Variants in ADARB1 observed in about 807,000 individuals in gnomAD.
ADARB1 encodes the protein double-stranded RNA-specific editase 1.
In ADARB1, 10 loss-of-function variants were observed where a neutral mutation model predicts 52.4. The observed-to-expected ratio is 0.19, with a 90% confidence interval of 0.12 to 0.32. The LOEUF (loss-of-function observed/expected upper bound fraction) is 0.32. ADARB1 is among the 10% of genes least tolerant of loss of function. ADARB1 has a pLI of 1.00. For missense variants in ADARB1, 643 were observed against 922.3 expected, an observed-to-expected ratio of 0.70 and a Z score of 3.92; for synonymous variants, 349 against 371.1, an observed-to-expected ratio of 0.94 and a Z score of 0.68.
rs1194669081 is a variant in ADARB1, at chr21:45,142,860, G to A, written c.-48+14287G>A. ...CCCTTGGCTAATAGAAGAGGGAGCA[G>A]GGCTTTGACCAGGGGGACCAGCTAG... On this transcript the variant is annotated intron_variant, in intron 2 of 10. Coordinates refer to ENST00000348831, the MANE Select transcript of ADARB1 (RefSeq NM_001112.4). The surrounding 1 kb of genome is among the most constrained non-coding windows in gnomAD (Gnocchi z 4.0). 6.6e-6 allele frequency among the ~76,000 whole-genome samples: 1 copy of A among 152,176 alleles called. No individual in the cohort carries two copies. Among genetic ancestry groups the A allele is most frequent in the East Asian group, 1.9e-4 (1 of 5,194 alleles).
chr21:45,217,046 G>A (rs1250390622), intron 9 of ADARB1, among the ~76,000 whole-genome samples: 3 of 151,940 alleles, frequency 2.0e-5, no homozygotes, highest in Non-Finnish European at 4.4e-5. Context: ...TGTTAGCACA[G>A]TGTATCTTCT....
chr21:45,153,093 T>G (rs371109442), intron 2 of ADARB1, among the ~76,000 whole-genome samples: 9 of 152,374 alleles, frequency 5.9e-5, no homozygotes, highest in African/African-American at 2.2e-4. Context: ...ACATTAAAAC[T>G]GTTCTTCATG....
intron 1 of ADARB1, among the ~76,000 whole-genome samples, chr21:45,112,746 G>A (rs2087600402): frequency 1.3e-5 from 2 of 152,034 alleles, no homozygotes; most frequent in African/African-American, 4.8e-5. Flanking sequence ...GCTTGAACAG[G>A]GACACTTTTG....
chr21:45,184,426 C>A (rs1426708535), intron 7 of ADARB1: 10 of 197,516 alleles, frequency 5.1e-5, no homozygotes, highest in Non-Finnish European at 1.1e-4. Context: ...TGTGTTATGT[C>A]CTTCCTACTC....
intron 1 of ADARB1, among the ~76,000 whole-genome samples, chr21:45,077,662 G>C (rs1323289226): frequency 6.7e-6 from 1 of 149,380 alleles, no homozygotes; most frequent in Non-Finnish European, 1.5e-5. Context: ...GCGAGACGCC[G>C]TCTAAAAAAA....
At chr21:45,149,481 A>G (rs1035623416) in intron 2 of ADARB1, among the ~76,000 whole-genome samples, 5 of 152,266 alleles carry the variant, frequency 3.3e-5, no homozygotes, top group African/African-American at 1.2e-4. Context: ...AAGCCAGTGC[A>G]CTATTGATAC....
intron 2 of ADARB1, among the ~76,000 whole-genome samples, chr21:45,143,362 C>T (rs958545468): frequency 6.6e-6 from 1 of 152,234 alleles, no homozygotes; most frequent in Non-Finnish European, 1.5e-5. Flanking sequence ...CCATAATCTT[C>T]CCATCTCAGC....
chr21:45,157,537 C>T lies in ADARB1; in HGVS notation c.-47-14073C>T, dbSNP rs1038876383. Among the ~76,000 whole-genome samples, 5 of 152,076 alleles carry T rather than the reference C, an allele frequency of 3.3e-5. No homozygotes were observed. Among genetic ancestry groups the T allele is most frequent in the African/African-American group, 9.7e-5 (4 of 41,410 alleles). On this transcript the variant is annotated intron_variant, in intron 2 of 10. Transcript: ENST00000348831. The surrounding 1 kb of genome is among the most constrained non-coding windows in gnomAD (Gnocchi z 4.1). ...TGTGAAGGTTTGTGCTCTCGTGTGC[C>T]GGCTCTGACCTGTGATTTTGTTGCT...
intron 2 of ADARB1, among the ~76,000 whole-genome samples, chr21:45,163,317 C>T (rs1287468165): frequency 6.6e-6 from 1 of 152,242 alleles, no homozygotes; most frequent in Admixed American, 6.5e-5. Context: ...AGGTAACATT[C>T]CCTGGCTGTG....
chr21:45,223,113 T>G lies in ADARB1; in HGVS notation c.*916T>G, dbSNP rs914914935. The G allele has an allele frequency of 7.1e-6, 7 of 985,332 alleles. No homozygotes were observed. The highest frequency in any genetic ancestry group is 5.2e-4 in the Middle Eastern group (1 of 1,936). The allele number at this position is 985,332 out of a possible 1,614,324, so 61.0% of individuals were successfully genotyped here. On this transcript the variant is annotated 3_prime_UTR_variant, in exon 11 of 11. Transcript: ENST00000348831. ...CTACTGCACAATACATGGCCTAAGT[T>G]CCCTCTGTTCCTTCCTCTGAATCGA...
chr21:45,160,757 G>T (rs796409652), intron 2 of ADARB1, among the ~76,000 whole-genome samples: 6 of 152,182 alleles, frequency 3.9e-5, no homozygotes, highest in African/African-American at 1.4e-4. Flanking sequence ...TACAGAGCGT[G>T]TACTGAATTT....
chr21:45,076,768 C>G (rs1009769254), intron 1 of ADARB1, among the ~76,000 whole-genome samples: 6 of 152,166 alleles, frequency 3.9e-5, no homozygotes, highest in Non-Finnish European at 8.8e-5. Flanking sequence ...TTTTTAACTT[C>G]TATTTGTCCA....
intron 1 of ADARB1, among the ~76,000 whole-genome samples, chr21:45,126,920 G>C (rs1197102439): frequency 3.3e-5 from 5 of 152,206 alleles, no homozygotes; most frequent in African/African-American, 1.2e-4. Context: ...AGAGTTGGTG[G>C]GACATGATGT....
intron 8 of ADARB1, among the ~76,000 whole-genome samples, chr21:45,199,357 C>A (rs1353263661): frequency 6.6e-6 from 1 of 152,218 alleles, no homozygotes; most frequent in Non-Finnish European, 1.5e-5. Flanking sequence ...CAGGGCTCCA[C>A]TCGCTATGGG....
intron 9 of ADARB1, among the ~76,000 whole-genome samples, chr21:45,213,765 T>A (rs926931514): frequency 2.0e-5 from 3 of 152,234 alleles, no homozygotes; most frequent in Admixed American, 6.5e-5. Flanking sequence ...TTGCACTGGG[T>A]GGATAAACCA....
intron 3 of ADARB1, among the ~76,000 whole-genome samples, chr21:45,174,335 C>T (rs564714647): frequency 1.3e-5 from 2 of 152,252 alleles, no homozygotes; most frequent in East Asian, 3.9e-4. Flanking sequence ...GCTGCCTAGC[C>T]ATGATGGAAA....
rs532046122 is a variant in ADARB1 at position 45,180,446 on chromosome 21, T to C, written c.1078+2T>C. On this transcript the variant is annotated splice_donor_variant, in intron 5 of 10. Transcript: ENST00000348831. LOFTEE classifies it high-confidence loss of function. ...TGGCTGGAGTCGTCATGACAACAGG[T>C]AACCATCTTGGTGTTGTATGTAACC... 1 of 1,610,010 alleles carries C rather than the reference T, an allele frequency of 6.2e-7. No homozygotes were observed. The highest frequency in any genetic ancestry group is 1.3e-5 in the African/African-American group (1 of 74,956).
chr21:45,214,592 A>G (rs539172727), intron 9 of ADARB1, among the ~76,000 whole-genome samples: 2 of 152,252 alleles, frequency 1.3e-5, no homozygotes, highest in African/African-American at 4.8e-5. Context: ...ATTTTTTGGC[A>G]TGTAAGATAT....
At chr21:45,150,930 G>T (rs1326548955) in intron 2 of ADARB1, among the ~76,000 whole-genome samples, 1 of 152,230 alleles carries the variant, frequency 6.6e-6, no homozygotes. Context: ...CATGTTCAAA[G>T]ATTTTTACTT....
Sources: allele counts gnomAD v4.1 joint callset (sites outside exome capture counted in the v4.1 genomes callset), GRCh38; gene constraint gnomAD v4.1.1; non-coding constraint Gnocchi (gnomAD v3.1); transcripts MANE v1.5; gene names NCBI Gene and HGNC (gene_info 2026-07-23, HGNC 2026-07-21).